The following ARID4A variants were observed in gnomAD, a reference collection of about 807,000 sequenced individuals.
ARID4A encodes the protein AT-rich interactive domain-containing protein 4A.
ARID4A carries 39 observed loss-of-function variants against 148.6 expected under a neutral mutation model. The ratio of observed to expected loss-of-function variants is 0.26; its 90% CI spans 0.20 to 0.34. ARID4A has a LOEUF of 0.34. Ranked by LOEUF, ARID4A falls within the 10% of genes least tolerant of loss-of-function variation. The probability of loss-of-function intolerance (pLI) is 1.00; values close to 1 mark genes in which losing one functional copy is unlikely to be tolerated. For synonymous variants in ARID4A, 475 were observed against 481.2 expected (o/e 0.99, Z 0.17); for missense variants, 1,265 against 1,449.1 (o/e 0.87, Z 2.06).
At chr14:58,355,112 G>C (rs2034812573) in intron 17 of ARID4A, among the ~76,000 whole-genome samples, 1 of 152,152 alleles carries the variant, frequency 6.6e-6, no homozygotes, top group Non-Finnish European at 1.5e-5. Context: ...AATGTCAGGG[G>C]CTGCCTTTCT....
At chr14:58,360,476 T>C (rs2035086445) in intron 18 of ARID4A, among the ~76,000 whole-genome samples, 1 of 152,232 alleles carries the variant, frequency 6.6e-6, no homozygotes, top group South Asian at 2.1e-4. Context: ...TTGTCAAGCT[T>C]TGCTGTAGAG....
rs1291270730 is a variant in ARID4A, at chr14:58,366,005, T to A, written c.3317-19T>A. 1 of 1,558,758 alleles carries A rather than the reference T, an allele frequency of 6.4e-7. No individual in the cohort carries two copies. Among genetic ancestry groups the A allele is most frequent in the Non-Finnish European group, 8.7e-7 (1 of 1,145,152 alleles). ...GAATTTTATTTATAATCTGAGTCAATCTTTTTTATTATTTATAGGACAAAG... is the reference window on the plus strand; with the variant it reads ...GAATTTTATTTATAATCTGAGTCAAACTTTTTTATTATTTATAGGACAAAG... On this transcript the variant is annotated intron_variant, in intron 21 of 23. Transcript: ENST00000355431.
At chr14:58,346,269 G>A in intron 12 of ARID4A, 142 bp from the exon 13 acceptor site, 1 of 385,796 alleles carries the variant, frequency 2.6e-6, no homozygotes, top group Non-Finnish European at 4.6e-6. Context: ...ATTATCTTGT[G>A]TTGTTTTACA....
rs187290857 is a variant in ARID4A, at chr14:58,312,292, C to T, written c.274+6180C>T. On this transcript the variant is annotated intron_variant, in intron 5 of 23. Coordinates refer to ENST00000355431, the MANE Select transcript of ARID4A (RefSeq NM_002892.4). ...AGAGCAGTGGCGCGATCTTGGCTCA[C>T]TGTAAGCTCCACCTCCCAGGTTCAA... Among the ~76,000 whole-genome samples, 713 of 151,450 alleles carry T rather than the reference C, an allele frequency of 4.7e-3. 8 individuals carry two copies. The highest frequency in any genetic ancestry group is 0.017 in the African/African-American group (688 of 41,242).
At chr14:58,346,574 T>G in intron 13 of ARID4A, 69 bp downstream of exon 13, 1 of 949,812 alleles carries the variant, frequency 1.1e-6, no homozygotes, top group Admixed American at 2.0e-5. Flanking sequence ...TATATTGCAT[T>G]ATTATATGCA....
chr14:58,338,369 G>C (rs1366785996), intron 11 of ARID4A, among the ~76,000 whole-genome samples: 4 of 152,168 alleles, frequency 2.6e-5, no homozygotes, highest in South Asian at 2.1e-4. Context: ...TGGATTCGCT[G>C]CTTCCTTCCC....
chr14:58,320,237 C>T (rs1305005179), intron 7 of ARID4A, among the ~76,000 whole-genome samples: 2 of 152,084 alleles, frequency 1.3e-5, no homozygotes, highest in African/African-American at 4.8e-5. Context: ...TGAGCCACCA[C>T]ACCCGGCCTA....
At chr14:58,313,596 A>G (rs1388552155) in intron 5 of ARID4A, among the ~76,000 whole-genome samples, 3 of 152,308 alleles carry the variant, frequency 2.0e-5, no homozygotes, top group South Asian at 2.1e-4. Flanking sequence ...TCATCATACT[A>G]TGAGGACTGA....
In ARID4A at chr14:58,305,120, A is replaced by G. The variant is rs2031500531; in HGVS notation, c.183+111A>G. 3.5e-6 allele frequency: 3 copies of G among 860,656 alleles called. No homozygotes were observed. The East Asian group carries it at 8.1e-5, about 23-fold the overall frequency. 53.3% of individuals were successfully genotyped at this position (860,656 alleles called of 1,614,324 possible). ...ATTTTATGAGAACGTTAATCAGAAA[A>G]CAATACATATGAAGGGTTTAAATAT... On this transcript the variant is annotated intron_variant, in intron 4 of 23. Transcript: ENST00000355431.
At chr14:58,335,918 C>G (rs754380801) in intron 11 of ARID4A, among the ~76,000 whole-genome samples, 5 of 152,104 alleles carry the variant, frequency 3.3e-5, no homozygotes, top group Non-Finnish European at 7.4e-5. Context: ...TTCTCTTTAC[C>G]TAGCCTAATG....
intron 11 of ARID4A, among the ~76,000 whole-genome samples, chr14:58,338,306 CTATT>C (rs2033932381): frequency 6.6e-6 from 1 of 152,234 alleles, no homozygotes; most frequent in East Asian, 1.9e-4. Context: ...AAAAATCACA[CTATT>C]TAATATATTA....
chr14:58,316,753 T>G (rs1365421562), intron 5 of ARID4A, among the ~76,000 whole-genome samples: 1 of 152,112 alleles, frequency 6.6e-6, no homozygotes, highest in Non-Finnish European at 1.5e-5. Context: ...GCTAATTTTG[T>G]ATTTTTAGTG....
At chr14:58,300,321 TATA>T (rs2031039354) in intron 2 of ARID4A, among the ~76,000 whole-genome samples, 1 of 152,132 alleles carries the variant, frequency 6.6e-6, no homozygotes, top group African/African-American at 2.4e-5. Context: ...GAAGTTGAAG[TATA>T]ATAATAGTTT....
At chr14:58,312,760 A>C (rs1205326977) in intron 5 of ARID4A, among the ~76,000 whole-genome samples, 1 of 152,104 alleles carries the variant, frequency 6.6e-6, no homozygotes, top group Non-Finnish European at 1.5e-5. Flanking sequence ...CCTTAACTAA[A>C]TTGTAGCTCA....
chr14:58,359,107 C>CT (rs752553814), intron 17 of ARID4A, 25 bp from the exon 18 acceptor site: 114,905 of 1,278,702 alleles, frequency 0.09, 109 homozygotes, highest in South Asian at 0.13. Context: ...TGTACAAACT[C>CT]TTTTTTTTTT....
At chr14:58,317,972 A>T (rs78297153) in intron 5 of ARID4A, among the ~76,000 whole-genome samples, 5 of 138,944 alleles carry the variant, frequency 3.6e-5, no homozygotes, top group East Asian at 2.0e-4. Context: ...TGTCTTTATT[A>T]AAAAAAAAAA....
In ARID4A at chr14:58,347,679, C is replaced by T. The variant is rs1157150694; in HGVS notation, c.1205C>T (p.Ser402Leu). 7 of 1,610,860 alleles carry T rather than the reference C, an allele frequency of 4.3e-6. No individual in the cohort carries two copies. The highest frequency in any genetic ancestry group is 1.1e-5 in the South Asian group (1 of 90,326). ...TATGGTTTTGAGGAGTACTGCCGTTCGGCAAATATTCAGTTCAGAACTGTT... is the reference window on the plus strand; with the variant it reads ...TATGGTTTTGAGGAGTACTGCCGTTTGGCAAATATTCAGTTCAGAACTGTT... ...YLYGFEEYCR[S>L]ANIQFRTVHH... Residue 402 changes from serine (S) to leucine (L), a missense_variant, in exon 15 of 24, where the codon TCG becomes TTG. Around this residue, in one of 9 missense-constraint regions of ARID4A, gnomAD observed 205 missense variants for 196.9 expected, o/e 1.04. Coordinates refer to ENST00000355431, the MANE Select transcript of ARID4A (RefSeq NM_002892.4).
chr14:58,299,169 G>A (rs2030869835), intron 1 of ARID4A, among the ~76,000 whole-genome samples: 1 of 151,948 alleles, frequency 6.6e-6, no homozygotes. Context: ...CACCCTGTCC[G>A]GGCCACCTCC....
At position 58,359,225 on chromosome 14, in the gene ARID4A, G is replaced by T. The variant is rs747616610; in HGVS notation, c.1938+9G>T. ...AGAAGAAAAAAGCTAAAGTATGTTT[G>T]TAGATTTATGTCCTTTATAATATGT... On this transcript the variant is annotated intron_variant, in intron 18 of 23. Coordinates refer to ENST00000355431, the MANE Select transcript of ARID4A (RefSeq NM_002892.4). 1.3e-5 allele frequency: 21 copies of T among 1,570,898 alleles called. No homozygotes were observed. In the South Asian group the frequency reaches 2.1e-4, roughly 16 times the overall value.
Sources: gnomAD v4.1 joint callset for allele counts (sites outside exome capture counted in the v4.1 genomes callset) on GRCh38, gnomAD v4.1.1 for gene constraint, gnomAD v4.1.1 regional missense constraint, MANE v1.5 for transcripts, NCBI Gene and HGNC (gene_info 2026-07-23, HGNC 2026-07-21) for gene names.